Variants in DTHD1 observed in about 807,000 individuals in gnomAD.
DTHD1 encodes the protein death domain containing 1.
In DTHD1, 59 loss-of-function variants were observed where a neutral mutation model predicts 74.8. The observed-to-expected ratio is 0.79, with a 90% confidence interval of 0.64 to 0.98. The LOEUF is 0.98. Ranked by LOEUF, DTHD1 falls within the 50% of genes least tolerant of loss-of-function variation. The pLI, the probability that DTHD1 is intolerant of heterozygous loss-of-function variation, is 0.00. For missense variants in DTHD1, 1,051 were observed against 1,065.4 expected (o/e 0.99, Z 0.19); for synonymous variants, 365 against 371.1 (o/e 0.98, Z 0.19).
chr4:36,297,098 A>C (rs1260359112), intron 5 of DTHD1, among the ~76,000 whole-genome samples: 2 of 152,190 alleles, frequency 1.3e-5, no homozygotes, highest in Non-Finnish European at 2.9e-5. Flanking sequence ...GAAGTGGATA[A>C]TCATCAAGGT....
At chr4:36,297,768 G>A (rs1367512852) in intron 5 of DTHD1, among the ~76,000 whole-genome samples, 1 of 152,094 alleles carries the variant, frequency 6.6e-6, no homozygotes, top group East Asian at 1.9e-4. Context: ...GCATGGGTGG[G>A]GTTGAAAAGA....
rs1189733909 is a variant in DTHD1 at position 36,343,612 on chromosome 4, A to G, written c.2509A>G (p.Lys837Glu). 13 of 1,551,752 alleles carry G rather than the reference A, an allele frequency of 8.4e-6. No homozygotes were observed. The highest frequency in any genetic ancestry group is 1.0e-5 in the Non-Finnish European group (12 of 1,146,976). ...GCGCCGTAGCACCATTCAGCTCATC[A>G]AACTCAAGAACCCTGATGATCTCAC... The part of the protein sequence containing the change: ...PLRRSTIQLI[K>E]LKNPDDLTEQ... Residue 837 changes from lysine to glutamate, a missense_variant, in exon 10 of 10, where the codon AAA (lysine) becomes GAA (glutamate). Transcript: ENST00000639862.
chr4:36,339,820 C>T (rs1759218464), intron 9 of DTHD1, among the ~76,000 whole-genome samples: 1 of 152,130 alleles, frequency 6.6e-6, no homozygotes, highest in Non-Finnish European at 1.5e-5. Context: ...CGGATTGGTA[C>T]AGAAAATGTT....
chr4:36,343,383 A>C, intron 9 of DTHD1, 119 bp from the exon 10 acceptor site: 1 of 931,552 alleles, frequency 1.1e-6, no homozygotes, highest in East Asian at 2.6e-5. Flanking sequence ...ATATCTCTGC[A>C]CTGCTCCAAG....
At chr4:36,334,304 T>G (rs918683741) in intron 8 of DTHD1, among the ~76,000 whole-genome samples, 1 of 152,112 alleles carries the variant, frequency 6.6e-6, no homozygotes, top group Non-Finnish European at 1.5e-5. Context: ...TTCTCAAGGT[T>G]CATTGTCAGG....
rs754011773 is a variant in DTHD1, at chr4:36,284,172, A to G, written c.468A>G (p.Ile156Met). 28 of 1,537,150 alleles carry G rather than the reference A, an allele frequency of 1.8e-5. No individual in the cohort carries two copies. The highest frequency in any genetic ancestry group is 2.2e-5 in the Non-Finnish European group (25 of 1,146,900). Residue 156 changes from isoleucine to methionine, a missense_variant, in exon 2 of 10, where the codon ATA (isoleucine) becomes ATG (methionine). Transcript: ENST00000639862. ...DIAARGELNV[I>M]ETATVSPTNG... Reference sequence around the variant, plus strand: ...CTGCAAGAGGGGAACTAAATGTCATAGAAACAGCTACTGTTTCTCCCACAA... The same window carrying G: ...CTGCAAGAGGGGAACTAAATGTCATGGAAACAGCTACTGTTTCTCCCACAA...
In DTHD1 at chr4:36,286,385, T is replaced by A. The variant is rs137868749; in HGVS notation, c.887+1794T>A. ...GCACCCAAACCAATTGTGCTTGGCT[T>A]GTATATTTCAGAAGTTGAGTACTCA... On this transcript the variant is annotated intron_variant, in intron 2 of 9. Coordinates refer to ENST00000639862, the MANE Select transcript of DTHD1 (RefSeq NM_001170700.3). Among the ~76,000 whole-genome samples the A allele has an allele frequency of 4.9e-4, 75 of 152,312 alleles. 2 individuals carry two copies. The highest frequency in any genetic ancestry group is 1.5e-4 in the Non-Finnish European group (10 of 68,022).
intron 8 of DTHD1, among the ~76,000 whole-genome samples, chr4:36,337,866 G>A (rs923684290): frequency 2.0e-5 from 3 of 152,102 alleles, no homozygotes; most frequent in African/African-American, 7.2e-5. Flanking sequence ...TTTAAAAAAC[G>A]TTTTGACATA....
intron 8 of DTHD1, among the ~76,000 whole-genome samples, chr4:36,335,176 G>C (rs1758936826): frequency 2.0e-5 from 3 of 152,082 alleles, no homozygotes; most frequent in Non-Finnish European, 2.9e-5. Context: ...GATTTGAAGG[G>C]GCGTATCATT....
intron 5 of DTHD1, 93 bp from the exon 6 acceptor site, chr4:36,306,098 T>C: frequency 8.4e-7 from 1 of 1,193,502 alleles, no homozygotes; most frequent in African/African-American, 1.5e-5. Context: ...TAATGAATTG[T>C]TATTAGATCA....
intron 8 of DTHD1, among the ~76,000 whole-genome samples, chr4:36,331,057 A>C (rs1758635070): frequency 6.6e-6 from 1 of 152,108 alleles, no homozygotes; most frequent in Non-Finnish European, 1.5e-5. Flanking sequence ...ATCCTAGAGC[A>C]CTTATACATG....
rs1031374606 is a variant in DTHD1, at chr4:36,346,518, T to C, written c.*2694T>C. ...AATTGATCATCCCTGCAGCATCTCC[T>C]CTCTTAAGATAATCCAGGAAATCAA... On this transcript the variant is annotated 3_prime_UTR_variant, in exon 10 of 10. Coordinates refer to ENST00000639862, the MANE Select transcript of DTHD1 (RefSeq NM_001170700.3). 1.3e-5 allele frequency among the ~76,000 whole-genome samples: 2 copies of C among 151,998 alleles called. No individual in the cohort carries two copies. The highest frequency in any genetic ancestry group is 4.8e-5 in the African/African-American group (2 of 41,392).
chr4:36,342,399 G>A (rs549200271), intron 9 of DTHD1, among the ~76,000 whole-genome samples: 4 of 152,264 alleles, frequency 2.6e-5, no homozygotes, highest in South Asian at 4.1e-4. Flanking sequence ...CACCAGACCA[G>A]GGAAACTGGT....
At position 36,346,881 on chromosome 4, in the gene DTHD1, G is replaced by T. The variant is rs369121120; in HGVS notation, c.*3057G>T. ...ACTGGTCTTCTTCTTGTCTCTTCAAGTCTAAGGGTGGTAATAGCTCTCTTG... is the reference window on the plus strand; with the variant it reads ...ACTGGTCTTCTTCTTGTCTCTTCAATTCTAAGGGTGGTAATAGCTCTCTTG... On this transcript the variant is annotated 3_prime_UTR_variant, in exon 10 of 10. Transcript: ENST00000639862. Among the ~76,000 whole-genome samples, 1 of 152,092 alleles carries T rather than the reference G, an allele frequency of 6.6e-6. No individual in the cohort carries two copies. The highest frequency in any genetic ancestry group is 2.4e-5 in the African/African-American group (1 of 41,410).
chr4:36,343,408 C>A, intron 9 of DTHD1, 94 bp from the exon 10 acceptor site: 1 of 1,211,862 alleles, frequency 8.3e-7, no homozygotes, highest in Non-Finnish European at 1.1e-6. Context: ...AACAAAAGAG[C>A]AGGGAGACTT....
At chr4:36,286,773 T>C (rs1360815591) in intron 2 of DTHD1, among the ~76,000 whole-genome samples, 1 of 152,226 alleles carries the variant, frequency 6.6e-6, no homozygotes, top group Non-Finnish European at 1.5e-5. Context: ...AGTATGTTAC[T>C]ATACGGAATA....
At chr4:36,330,557 TC>T (rs1169792684) in intron 8 of DTHD1, among the ~76,000 whole-genome samples, 2 of 152,126 alleles carry the variant, frequency 1.3e-5, no homozygotes, top group Non-Finnish European at 2.9e-5. Context: ...TTAGAGTAAT[TC>T]CTGGTACATG....
At chr4:36,336,759 G>C (rs780902705) in intron 8 of DTHD1, among the ~76,000 whole-genome samples, 2 of 152,086 alleles carry the variant, frequency 1.3e-5, no homozygotes, top group Non-Finnish European at 2.9e-5. Flanking sequence ...GGTGGCAAAG[G>C]GAGAAACAAA....
chr4:36,297,530 T>TG (rs1364403527), intron 5 of DTHD1, among the ~76,000 whole-genome samples: 30 of 152,162 alleles, frequency 2.0e-4, no homozygotes, highest in Non-Finnish European at 3.1e-4. Flanking sequence ...TTAATTTTTT[T>TG]TGTGTGTGCT....
Sources: allele counts gnomAD v4.1 joint callset (sites outside exome capture counted in the v4.1 genomes callset), GRCh38; gene constraint gnomAD v4.1.1; transcripts MANE v1.5; gene names NCBI Gene and HGNC (gene_info 2026-07-23, HGNC 2026-07-21).